NRXN3: variants seen among roughly 807,000 people sequenced by gnomAD.
NRXN3 encodes neurexin III.
Under a neutral mutation model 137.6 loss-of-function variants are expected in NRXN3, and 32 were observed. That is an observed-to-expected ratio of 0.23 (90% confidence interval 0.18 to 0.31). NRXN3 has a LOEUF of 0.31. NRXN3 is among the 10% of genes least tolerant of loss of function. The pLI is 1.00. For synonymous variants in NRXN3, 798 were observed against 784.5 expected (o/e 1.02, Z -0.29); for missense variants, 1,574 against 2,062.5 (o/e 0.76, Z 4.59).
At chr14:79,066,314 T>C (rs115141753) in intron 15 of NRXN3, among the ~76,000 whole-genome samples, 469 of 152,280 alleles carry the variant, frequency 3.1e-3, no homozygotes, top group African/African-American at 0.011. Context: ...TGCGGTCTTA[T>C]GTCTGAGTTC....
At chr14:78,487,806 G>A (rs2095591541) in intron 4 of NRXN3, among the ~76,000 whole-genome samples, 1 of 151,662 alleles carries the variant, frequency 6.6e-6, no homozygotes, top group African/African-American at 2.4e-5. Context: ...GATTTGTCCT[G>A]AAACTTAAAG....
At chr14:78,802,968 T>A (rs937388458) in intron 8 of NRXN3, among the ~76,000 whole-genome samples, 1 of 151,908 alleles carries the variant, frequency 6.6e-6, no homozygotes, top group African/African-American at 2.4e-5. Flanking sequence ...TAAAAATAAG[T>A]CAGTTTTCCT....
At chr14:78,405,618 G>GGGT (rs1555510786) in intron 4 of NRXN3, among the ~76,000 whole-genome samples, 29 of 142,888 alleles carry the variant, frequency 2.0e-4, no homozygotes, top group Middle Eastern at 3.6e-3. Context: ...AGGGGCGGGG[G>GGGT]GGTTCCGGGT....
chr14:78,402,863 A>T (rs752761217), intron 4 of NRXN3, among the ~76,000 whole-genome samples: 1 of 152,212 alleles, frequency 6.6e-6, no homozygotes, highest in Non-Finnish European at 1.5e-5. Context: ...CATAATAAAG[A>T]TCAGCTGCTT....
intron 15 of NRXN3, among the ~76,000 whole-genome samples, chr14:79,117,238 A>G (rs1568336455): frequency 6.6e-6 from 1 of 152,140 alleles, no homozygotes. Context: ...TTCTTCCACT[A>G]TTTCACACAT....
At chr14:79,687,037 C>T (rs565235272) in intron 17 of NRXN3, among the ~76,000 whole-genome samples, 99 of 152,232 alleles carry the variant, frequency 6.5e-4, no homozygotes, top group African/African-American at 2.2e-3. Context: ...ATTTTCTGTT[C>T]CAAGACATTA....
chr14:79,256,854 A>AGT (rs888412601), intron 15 of NRXN3, among the ~76,000 whole-genome samples: 11 of 151,878 alleles, frequency 7.2e-5, no homozygotes, highest in African/African-American at 1.9e-4. Flanking sequence ...CAATGTTTAA[A>AGT]GTGTGTGTGT....
intron 11 of NRXN3, among the ~76,000 whole-genome samples, chr14:78,962,933 C>T (rs2099410894): frequency 1.3e-5 from 2 of 152,140 alleles, no homozygotes; most frequent in Middle Eastern, 6.8e-3. Context: ...AGGATGGTCT[C>T]GATCTCCTGA....
intron 16 of NRXN3, among the ~76,000 whole-genome samples, chr14:79,657,433 C>T (rs2098511667): frequency 6.6e-6 from 1 of 152,164 alleles, no homozygotes; most frequent in Non-Finnish European, 1.5e-5. Flanking sequence ...TCAAGCTCTA[C>T]AGCCGTGGTC....
intron 10 of NRXN3, among the ~76,000 whole-genome samples, chr14:78,922,126 G>T (rs554380530): frequency 5.3e-5 from 8 of 152,260 alleles, no homozygotes; most frequent in African/African-American, 1.9e-4. Context: ...TAAGAATGCT[G>T]AGGTTTTCTT....
chr14:78,518,146 G>T (rs751408779), intron 4 of NRXN3, among the ~76,000 whole-genome samples: 3 of 152,114 alleles, frequency 2.0e-5, no homozygotes, highest in Non-Finnish European at 2.9e-5. Flanking sequence ...AGTCTATTTG[G>T]GGAGTTAAGG....
chr14:79,466,415 G>C (rs148140790), intron 15 of NRXN3, among the ~76,000 whole-genome samples: 1 of 151,994 alleles, frequency 6.6e-6, no homozygotes, highest in East Asian at 1.9e-4. Context: ...GTGAAACTCC[G>C]TCTCTACTAA....
intron 19 of NRXN3, among the ~76,000 whole-genome samples, chr14:79,777,366 G>C (rs764623947): frequency 6.6e-6 from 1 of 152,036 alleles, no homozygotes; most frequent in Non-Finnish European, 1.5e-5. Context: ...GATAGGGAGA[G>C]ATTTAGGCAA....
chr14:78,806,061 T>TC (rs200511209), intron 9 of NRXN3, among the ~76,000 whole-genome samples: 4,178 of 102,700 alleles, frequency 0.041, 84 homozygotes, highest in Non-Finnish European at 0.069. Context: ...TTTTTTTTTT[T>TC]TCCCCTTTGG....
At chr14:78,297,587 C>G (rs1265794925) in intron 3 of NRXN3, among the ~76,000 whole-genome samples, 1 of 152,168 alleles carries the variant, frequency 6.6e-6, no homozygotes, top group Non-Finnish European at 1.5e-5. Context: ...AAACACAAGA[C>G]TGTAAGCTAG....
chr14:79,794,583 T>G (rs2099155571), intron 19 of NRXN3, among the ~76,000 whole-genome samples: 1 of 152,094 alleles, frequency 6.6e-6, no homozygotes, highest in South Asian at 2.1e-4. Context: ...CTCCTGGGGA[T>G]GTCAGTGTTC....
intron 10 of NRXN3, among the ~76,000 whole-genome samples, chr14:78,915,761 C>T (rs2099253681): frequency 6.6e-6 from 1 of 151,926 alleles, no homozygotes; most frequent in Non-Finnish European, 1.5e-5. Flanking sequence ...TGCCAAGATA[C>T]AGAGGGGTAA....
At chr14:78,256,857 A>T (rs2069714885) in intron 2 of NRXN3, among the ~76,000 whole-genome samples, 1 of 152,192 alleles carries the variant, frequency 6.6e-6, no homozygotes, top group Non-Finnish European at 1.5e-5. Context: ...ACTGATCAAC[A>T]CTCAAATCTA....
chr14:78,784,084 ACAC>A (rs1567302093), intron 8 of NRXN3, among the ~76,000 whole-genome samples: 8 of 151,500 alleles, frequency 5.3e-5, no homozygotes, highest in African/African-American at 1.9e-4. Flanking sequence ...AAAAAAAACA[ACAC>A]CAAACAAAAT....
Sources: gnomAD v4.1 joint callset for allele counts (sites outside exome capture counted in the v4.1 genomes callset) on GRCh38, gnomAD v4.1.1 for gene constraint, MANE v1.5 for transcripts, NCBI Gene and HGNC (gene_info 2026-07-23, HGNC 2026-07-21) for gene names.